The following C1QTNF8 variants were observed in gnomAD, a reference collection of about 807,000 sequenced individuals.
The protein encoded by C1QTNF8 is C1q and TNF related 8, also known as complement C1q tumor necrosis factor-related protein 8.
C1QTNF8 carries 27 observed loss-of-function variants against 19.2 expected under a neutral mutation model. That is an observed-to-expected ratio of 1.41 (90% CI 1.04 to 1.94). The LOEUF is 1.94. Among genes scored for constraint, C1QTNF8 ranks in the 30% most tolerant of loss-of-function variants. The pLI, the probability that C1QTNF8 is intolerant of heterozygous loss-of-function variation, is 0.00. For synonymous variants in C1QTNF8, 208 were observed against 172.8 expected, an observed-to-expected ratio of 1.20 and a Z score of -1.60; for missense variants, 484 against 374.4, an observed-to-expected ratio of 1.29 and a Z score of -2.42.
In C1QTNF8 at chr16:1,094,771, T is replaced by A. The variant is rs779985639; in HGVS notation, c.152A>T (p.Asp51Val). The change falls in exon 3 of 5, where the codon GAC (aspartate) becomes GTC (valine). Residue 51 changes from aspartate (D) to valine (V), a missense_variant. Coordinates refer to ENST00000328449, the MANE Select transcript of C1QTNF8 (RefSeq NM_207419.3). ...RVSDRDLWRG[D>V]LWRGLPRVRP... ...TACTCGAGGCAGCCCCCTCCACAGG[T>A]CCCCCCTCCACAGGTCCCTGTCACT... 2 of 1,544,852 alleles carry A rather than the reference T, an allele frequency of 1.3e-6. No homozygotes were observed. Among genetic ancestry groups the A allele is most frequent in the African/African-American group, 1.4e-5 (1 of 70,746 alleles).
In C1QTNF8 at chr16:1,091,349, G is replaced by A. The variant is rs146788652; in HGVS notation, c.*5-755C>T. ...CTGCTCCTGCCCGGGCCCAGTGGCC[G>A]CGCTGCCACAAATAGCACACCAAGG... On this transcript the variant is annotated intron_variant, in intron 4 of 4. Transcript: ENST00000328449. Among the ~76,000 whole-genome samples, 356 of 152,200 alleles carry A rather than the reference G, an allele frequency of 2.3e-3. 1 individual carries two copies. The highest frequency in any genetic ancestry group is 8.1e-3 in the African/African-American group (338 of 41,538).
rs11860799 is a variant in C1QTNF8, at chr16:1,090,031, G to C, written c.*568C>G. 24,266 of 152,398 alleles carry C rather than the reference G, an allele frequency of 0.16. 3,170 individuals are homozygous for C. Among genetic ancestry groups the C allele is most frequent in the African/African-American group, 0.37 (15,133 of 41,430 alleles). The allele number at this position is 152,398 out of a possible 1,614,324, so 9.4% of individuals were successfully genotyped here. A position where few individuals can be genotyped will look rare whatever the true frequency, so the allele number is the denominator to read the frequency against. ...TGGGGCGAAGGAGAGGGAAGGTTCC[G>C]GGTCCAGCCCCAGCGCCAGTGCCCC... is the stretch of plus-strand genomic sequence containing the variant. On this transcript the variant is annotated 3_prime_UTR_variant, in exon 5 of 5. Transcript: ENST00000328449.
Position 1,094,018 on chromosome 16 carries a change from GCCCGACCT to G in C1QTNF8, c.234_241del (p.Gly79ArgfsTer293). 6.7e-7 allele frequency: 1 copy of G among 1,482,274 alleles called. No individual in the cohort carries two copies. The highest frequency in any genetic ancestry group is 1.5e-5 in the African/African-American group (1 of 67,780). 91.8% of individuals were successfully genotyped at this position (1,482,274 alleles called of 1,614,324 possible). Reference sequence around the variant, plus strand: ...CGGCCCCTCTTTCCCGCTCCTGCCGGCCCGACCTCGGACGCCGGCCTCACCCTTCTCAC... The same window carrying G: ...CGGCCCCTCTTTCCCGCTCCTGCCGGCGGACGCCGGCCTCACCCTTCTCAC... On this transcript the variant is annotated frameshift_variant, in exon 4 of 5. Transcript: ENST00000328449. LOFTEE classifies it high-confidence loss of function.
chr16:1,094,577 C>T lies in C1QTNF8; in HGVS notation c.208+138G>A, dbSNP rs985151632. 2.7e-5 allele frequency: 17 copies of T among 629,126 alleles called. No individual in the cohort carries two copies. The Admixed American group carries it at 3.4e-4, about 12-fold the overall frequency. 39.0% of individuals were successfully genotyped at this position (629,126 alleles called of 1,614,324 possible). The stretch of plus-strand genomic sequence containing the variant: ...CGGGGGGAGCCCAGGGGTCCCTGTG[C>T]AGGGAGCGCTGCCAGGGCAGACACT... On this transcript the variant is annotated intron_variant, in intron 3 of 4. Transcript: ENST00000328449.
Position 1,090,139 on chromosome 16 carries a change from A to G in C1QTNF8, c.*460T>C, listed in dbSNP as rs1041655128. ...TGTCCTTGGTTGTCACCACACTTCC[A>G]GAAGCCCTGCTACCGCCCCCCCACA... On this transcript the variant is annotated 3_prime_UTR_variant, in exon 5 of 5. Coordinates refer to ENST00000328449, the MANE Select transcript of C1QTNF8 (RefSeq NM_207419.3). The G allele has an allele frequency of 3.9e-5, 6 of 152,356 alleles. No individual in the cohort carries two copies. Among genetic ancestry groups the G allele is most frequent in the Admixed American group, 2.0e-4 (3 of 15,286 alleles). The allele number at this position is 152,356 out of a possible 1,614,324, so 9.4% of individuals were successfully genotyped here.
intron 3 of C1QTNF8, chr16:1,094,464 C>T (rs1960641783): frequency 4.1e-6 from 2 of 486,680 alleles, no homozygotes; most frequent in Admixed American, 7.9e-5. Flanking sequence ...CTTTGGGGAT[C>T]TCAGGAACCC....
At position 1,089,986 on chromosome 16, in the gene C1QTNF8, A is replaced by T. The variant is rs1960510958; in HGVS notation, c.*613T>A. ...AGGCCCTGGGCCAAAGTGCAGCCTG[A>T]GGCCCCGCCCACCTCAGTGTGGGGC... On this transcript the variant is annotated 3_prime_UTR_variant, in exon 5 of 5. Transcript: ENST00000328449. 6.6e-6 allele frequency: 1 copy of T among 152,322 alleles called. No homozygotes were observed. Among genetic ancestry groups the T allele is most frequent in the Non-Finnish European group, 1.5e-5 (1 of 68,138 alleles). 9.4% of individuals were successfully genotyped at this position (152,322 alleles called of 1,614,324 possible). A position where few individuals can be genotyped will look rare whatever the true frequency, so the allele number is the denominator to read the frequency against.
At position 1,096,144 on chromosome 16, in the gene C1QTNF8, G is replaced by C. The variant is rs957158867; in HGVS notation, c.-186+12C>G. 4 of 152,354 alleles carry C rather than the reference G, an allele frequency of 2.6e-5. No homozygotes were observed. The highest frequency in any genetic ancestry group is 9.6e-5 in the African/African-American group (4 of 41,472). 9.4% of individuals were successfully genotyped at this position (152,354 alleles called of 1,614,324 possible). ...CTGTGCTTCCTGTTACCGTCTCAGGGATGCTCCCTGCCTGGCCGGCCGTCT... is the reference window on the plus strand; with the variant it reads ...CTGTGCTTCCTGTTACCGTCTCAGGCATGCTCCCTGCCTGGCCGGCCGTCT... On this transcript the variant is annotated intron_variant, in intron 1 of 4. Coordinates refer to ENST00000328449, the MANE Select transcript of C1QTNF8 (RefSeq NM_207419.3).
At position 1,095,840 on chromosome 16, in the gene C1QTNF8, C is replaced by T. The variant is rs540869256; in HGVS notation, c.-185-52G>A. 2.0e-5 allele frequency: 3 copies of T among 152,412 alleles called. No individual in the cohort carries two copies. The East Asian group carries it at 5.8e-4, about 29-fold the overall frequency. 9.4% of individuals were successfully genotyped at this position (152,412 alleles called of 1,614,324 possible). On this transcript the variant is annotated intron_variant, in intron 1 of 4. Coordinates refer to ENST00000328449, the MANE Select transcript of C1QTNF8 (RefSeq NM_207419.3). The stretch of plus-strand genomic sequence containing the variant: ...GAATGTCTCTGGCAGTTGAGACACC[C>T]TCTGCCTGCCTCCCCATGAGCTCAG...
At position 1,095,792 on chromosome 16, in the gene C1QTNF8, C is replaced by T. The variant is rs1333800308; in HGVS notation, c.-185-4G>A. On this transcript the variant is annotated splice_region_variant and splice_polypyrimidine_tract_variant and intron_variant, in intron 1 of 4. Coordinates refer to ENST00000328449, the MANE Select transcript of C1QTNF8 (RefSeq NM_207419.3). ...GCACAGGGCAAGGTCCTTCCTCCTG[C>T]AGTGGGTCATTCCAGGTGGGTGGAA... 6.6e-6 allele frequency: 1 copy of T among 152,284 alleles called. No homozygotes were observed. The highest frequency in any genetic ancestry group is 2.4e-5 in the African/African-American group (1 of 41,438). The allele number at this position is 152,284 out of a possible 1,614,324, so 9.4% of individuals were successfully genotyped here.
chr16:1,092,511 T>A, intron 4 of C1QTNF8, among the ~76,000 whole-genome samples: 1 of 134,242 alleles, frequency 7.4e-6, no homozygotes, highest in African/African-American at 3.0e-5. Flanking sequence ...CTGCACACAG[T>A]CGGCGCTCAA....
chr16:1,094,146 C>T (rs1596244768), intron 3 of C1QTNF8, 95 bp from the exon 4 acceptor site: 5 of 1,015,706 alleles, frequency 4.9e-6, no homozygotes, highest in East Asian at 6.5e-5. Context: ...TCAAGGGTCA[C>T]TGTAAGGACA....
Position 1,093,745 on chromosome 16 carries a change from G to A in C1QTNF8, c.515C>T (p.Thr172Ile). ...GVYFLSLNVH[T>I]WNYKETYLHI... ...CAGGTAGGTCTCCTTGTAGTTCCAGGTGTGCACGTTGAGGCTGAGGAAGTA... is the reference window on the plus strand; with the variant it reads ...CAGGTAGGTCTCCTTGTAGTTCCAGATGTGCACGTTGAGGCTGAGGAAGTA... Residue 172 changes from threonine (T) to isoleucine (I), a missense_variant, in exon 4 of 5, where the codon ACC becomes ATC. Transcript: ENST00000328449. The A allele has an allele frequency of 1.9e-6, 3 of 1,612,286 alleles. No individual in the cohort carries two copies. The highest frequency in any genetic ancestry group is 2.5e-6 in the Non-Finnish European group (3 of 1,179,686).
intron 4 of C1QTNF8, among the ~76,000 whole-genome samples, chr16:1,093,062 T>A (rs866338853): frequency 7.1e-4 from 53 of 74,132 alleles, no homozygotes; most frequent in African/African-American, 1.2e-3. Flanking sequence ...AACCAATCAC[T>A]GCACACAGTC....
chr16:1,094,046 T>C lies in C1QTNF8; in HGVS notation c.214A>G (p.Lys72Glu). ...TIDIEILKGE[K>E]GEAGVRGRAG... is the part of the protein sequence containing the mutation. ...CGACCTCGGACGCCGGCCTCACCCT[T>C]CTCACCTGCAGGGGACAAACGAAAG... is the stretch of plus-strand genomic sequence containing the variant. Residue 72 changes from lysine (K) to glutamate (E), a missense_variant, in exon 4 of 5, where the codon AAG (lysine) becomes GAG (glutamate). Transcript: ENST00000328449. 6.9e-7 allele frequency: 1 copy of C among 1,456,630 alleles called. No individual in the cohort carries two copies. Among genetic ancestry groups the C allele is most frequent in the East Asian group, 2.7e-5 (1 of 37,598 alleles). The allele number at this position is 1,456,630 out of a possible 1,614,324, so 90.2% of individuals were successfully genotyped here.
At chr16:1,090,893 C>T (rs1297504211) in intron 4 of C1QTNF8, among the ~76,000 whole-genome samples, 1 of 152,226 alleles carries the variant, frequency 6.6e-6, no homozygotes, top group African/African-American at 2.4e-5. Context: ...CAGACAAGGT[C>T]CCCCTGACCT....
rs1960671055 is a variant in C1QTNF8, at chr16:1,095,673, G to A, written c.-70C>T. 6.6e-6 allele frequency: 1 copy of A among 152,300 alleles called. No individual in the cohort carries two copies. Among genetic ancestry groups the A allele is most frequent in the Non-Finnish European group, 1.5e-5 (1 of 68,086 alleles). The allele number at this position is 152,300 out of a possible 1,614,324, so 9.4% of individuals were successfully genotyped here. On this transcript the variant is annotated 5_prime_UTR_variant, in exon 2 of 5. Transcript: ENST00000328449. The stretch of plus-strand genomic sequence containing the variant: ...GCCAGGAGTGTCTTCCGCTAGGGCA[G>A]GTGCACGGGTCGGGATCCTCAATAT...
At chr16:1,092,570 G>C (rs1960572967) in intron 4 of C1QTNF8, among the ~76,000 whole-genome samples, 1 of 120,642 alleles carries the variant, frequency 8.3e-6, no homozygotes, top group Non-Finnish European at 1.7e-5. Context: ...CACACAGTCG[G>C]CGCTCAACCA....
chr16:1,090,261 C>G lies in C1QTNF8; in HGVS notation c.*338G>C, dbSNP rs9926331. The G allele has an allele frequency of 0.16, 25,023 of 152,840 alleles. 5,107 individuals are homozygous for G. The highest frequency in any genetic ancestry group is 0.49 in the African/African-American group (20,225 of 41,506). The allele number at this position is 152,840 out of a possible 1,614,324, so 9.5% of individuals were successfully genotyped here. On this transcript the variant is annotated 3_prime_UTR_variant, in exon 5 of 5. Coordinates refer to ENST00000328449, the MANE Select transcript of C1QTNF8 (RefSeq NM_207419.3). ...CTCAGGGAAAGAGGTGGATGCCGGG[C>G]GACTTGGGAGGCAGCAGGCTTGGGC... is the stretch of plus-strand genomic sequence containing the variant.
Sources: gnomAD v4.1 joint callset for allele counts (sites outside exome capture counted in the v4.1 genomes callset) on GRCh38, gnomAD v4.1.1 for gene constraint, MANE v1.5 for transcripts, NCBI Gene and HGNC (gene_info 2026-07-23, HGNC 2026-07-21) for gene names.